LAMC3: variants seen among roughly 807,000 people sequenced by gnomAD.
LAMC3 encodes laminin subunit gamma-3.
A neutral mutation model predicts 173.8 loss-of-function variants in LAMC3; 128 were observed. The ratio of observed to expected loss-of-function variants is 0.74; its 90% CI spans 0.64 to 0.85. The LOEUF (loss-of-function observed/expected upper bound fraction) is 0.85, where lower values mean the gene tolerates loss of function less well. Among genes scored for constraint, LAMC3 ranks in the 40% least tolerant of loss-of-function variants. The pLI is 0.00. For synonymous variants in LAMC3, 897 were observed against 909.1 expected (o/e 0.99, Z 0.24); for missense variants, 2,022 against 2,156.0 (o/e 0.94, Z 1.23).
In LAMC3 at chr9:131,075,836, G is replaced by A; in HGVS notation, c.3500G>A (p.Arg1167Lys). ...TEARALARSH[R>K]DTATKIAATA... is the part of the protein sequence containing the mutation. ...AGGTGGGTGTCCTCACACAGCCACA[G>A]AGACACCGCCACCAAGATCGCAGCC... Residue 1167 changes from arginine to lysine, a missense_variant, in exon 21 of 28, where the codon AGA becomes AAA. Arg to Lys is a conservative substitution (Grantham distance 26, BLOSUM62 2). Transcript: ENST00000361069. 1 of 1,610,922 alleles carries A rather than the reference G, an allele frequency of 6.2e-7. No individual in the cohort carries two copies. Among genetic ancestry groups the A allele is most frequent in the Non-Finnish European group, 8.5e-7 (1 of 1,178,988 alleles).
intron 17 of LAMC3, 107 bp downstream of exon 17, chr9:131,069,957 C>T: frequency 8.5e-7 from 1 of 1,172,044 alleles, no homozygotes; most frequent in Non-Finnish European, 1.2e-6. Context: ...AGTGCTCAGG[C>T]TTTGCAAGCC....
Position 131,054,705 on chromosome 9 carries a change from A to T in LAMC3, c.1939+1740A>T, listed in dbSNP as rs933115977. Among the ~76,000 whole-genome samples, 22 of 152,076 alleles carry T rather than the reference A, an allele frequency of 1.4e-4. 1 individual carries two copies. Among genetic ancestry groups the T allele is most frequent in the African/African-American group, 4.6e-4 (19 of 41,448 alleles). On this transcript the variant is annotated intron_variant, in intron 11 of 27. Coordinates refer to ENST00000361069, the MANE Select transcript of LAMC3 (RefSeq NM_006059.4). Reference sequence around the variant, plus strand: ...GGTTGCAGTTAGCCAAGATCATGCCACTGCACTCCAGCCTGGGTAGCAGAG... The same window carrying T: ...GGTTGCAGTTAGCCAAGATCATGCCTCTGCACTCCAGCCTGGGTAGCAGAG...
intron 2 of LAMC3, among the ~76,000 whole-genome samples, chr9:131,028,045 A>G (rs1296482530): frequency 6.6e-6 from 1 of 152,222 alleles, no homozygotes; most frequent in Admixed American, 6.5e-5. Flanking sequence ...CCTGTTAGGA[A>G]CCAAGTCACA....
rs1248917999 is a variant in LAMC3, at chr9:131,047,238, CT to C, written c.1519+1579del. Among the ~76,000 whole-genome samples, 4 of 104,322 alleles carry C rather than the reference CT, an allele frequency of 3.8e-5. No homozygotes were observed. In the East Asian group the frequency reaches 1.1e-3, roughly 29 times the overall value. The allele number at this position is 104,322 out of a possible 152,430, so 68.4% of individuals were successfully genotyped here. On this transcript the variant is annotated intron_variant, in intron 8 of 27. Transcript: ENST00000361069. Reference sequence around the variant, plus strand: ...GGAGTGCAATGGCGTGATCTCAGCTCTCTGCAACCTCCGCCTCCCAGGTTCA... The same window carrying C: ...GGAGTGCAATGGCGTGATCTCAGCTCCTGCAACCTCCGCCTCCCAGGTTCA...
chr9:131,067,258 C>G, intron 14 of LAMC3, 53 bp downstream of exon 14: 1 of 1,606,758 alleles, frequency 6.2e-7, no homozygotes, highest in East Asian at 2.2e-5. Context: ...CCCTTCTCTT[C>G]TGCCCTGGCT....
At chr9:131,066,012 G>A (rs1216455565) in intron 13 of LAMC3, among the ~76,000 whole-genome samples, 1 of 152,140 alleles carries the variant, frequency 6.6e-6, no homozygotes, top group East Asian at 1.9e-4. Flanking sequence ...GGCCAATGTG[G>A]CGAAACCCCA....
At chr9:131,082,591 C>T (rs993237360) in intron 24 of LAMC3, among the ~76,000 whole-genome samples, 3 of 152,202 alleles carry the variant, frequency 2.0e-5, no homozygotes, top group Non-Finnish European at 4.4e-5. Flanking sequence ...CAGTCTAGTG[C>T]CCCCATTTTG....
intron 13 of LAMC3, among the ~76,000 whole-genome samples, chr9:131,061,539 T>C (rs1256869257): frequency 6.6e-6 from 1 of 152,076 alleles, no homozygotes; most frequent in Non-Finnish European, 1.5e-5. Flanking sequence ...GGTGATTCTG[T>C]TACACAGCTA....
chr9:131,049,192 C>T, intron 9 of LAMC3, 62 bp downstream of exon 9: 2 of 951,982 alleles, frequency 2.1e-6, no homozygotes, highest in Admixed American at 2.0e-5. Flanking sequence ...TGCTAAACAA[C>T]TTGCCGCATA....
chr9:131,018,421 C>A (rs1479157644), intron 1 of LAMC3, among the ~76,000 whole-genome samples: 2 of 151,940 alleles, frequency 1.3e-5, no homozygotes, highest in African/African-American at 4.8e-5. Flanking sequence ...AGGTGTGAGC[C>A]ACTGCGCCCG....
intron 3 of LAMC3, among the ~76,000 whole-genome samples, chr9:131,033,819 C>T (rs528443415): frequency 4.6e-5 from 7 of 152,076 alleles, no homozygotes; most frequent in South Asian, 2.1e-4. Context: ...GAGTGGGGAG[C>T]GGGGATGACA....
Position 131,009,516 on chromosome 9 carries a change from C to A in LAMC3, c.302C>A (p.Thr101Asn). The stretch of plus-strand genomic sequence containing the variant: ...GACTTCCACAGCCAGGACGAGAGCA[C>A]CTGGTGGCAGAGCCCGTCCATGGCC... ...LTDFHSQDES[T>N]WWQSPSMAFG... Residue 101 changes from threonine (T) to asparagine (N), a missense_variant, in exon 1 of 28, where the codon ACC (threonine) becomes AAC (asparagine). Coordinates refer to ENST00000361069, the MANE Select transcript of LAMC3 (RefSeq NM_006059.4). The surrounding 1 kb of genome is among the most constrained non-coding windows in gnomAD (Gnocchi z 4.3). 5 of 1,556,070 alleles carry A rather than the reference C, an allele frequency of 3.2e-6. No homozygotes were observed. Among genetic ancestry groups the A allele is most frequent in the Non-Finnish European group, 4.3e-6 (5 of 1,150,276 alleles).
intron 25 of LAMC3, among the ~76,000 whole-genome samples, chr9:131,086,575 CT>C (rs778812487): frequency 3.8e-4 from 35 of 92,446 alleles, no homozygotes; most frequent in Admixed American, 7.3e-4. Flanking sequence ...GCCTGGCTAA[CT>C]TTTTTTTTTT....
At chr9:131,064,386 G>C (rs537915723) in intron 13 of LAMC3, among the ~76,000 whole-genome samples, 602 of 152,346 alleles carry the variant, frequency 4.0e-3, no homozygotes, top group Non-Finnish European at 6.6e-3. Flanking sequence ...GTACATGGCC[G>C]GGCACAGTGG....
chr9:131,078,033 G>A (rs1460252013), intron 22 of LAMC3, among the ~76,000 whole-genome samples: 1 of 152,086 alleles, frequency 6.6e-6, no homozygotes, highest in African/African-American at 2.4e-5. Context: ...AGGTTATTTC[G>A]AGGCTGCTTC....
At chr9:131,061,308 C>A in intron 13 of LAMC3, 85 bp downstream of exon 13, 1 of 1,247,998 alleles carries the variant, frequency 8.0e-7, no homozygotes, top group South Asian at 1.3e-5. Context: ...AGGGTTAGGG[C>A]CCTGGGTTTA....
At position 131,045,610 on chromosome 9, in the gene LAMC3, C is replaced by T. The variant is rs149042025; in HGVS notation, c.1469C>T (p.Ala490Val). 7.2e-5 allele frequency: 116 copies of T among 1,614,054 alleles called. No individual in the cohort carries two copies. The highest frequency in any genetic ancestry group is 8.4e-5 in the Non-Finnish European group (99 of 1,180,048). The change falls in exon 8 of 28, where the codon GCG (alanine) becomes GTG (valine). Residue 490 changes from alanine (A) to valine (V), a missense_variant. By Grantham distance (64) the Ala-to-Val change is moderately conservative (BLOSUM62 0). Coordinates refer to ENST00000361069, the MANE Select transcript of LAMC3 (RefSeq NM_006059.4). ...CFCYGHSKVC[A>V]STAQFQVHHI... is the part of the protein sequence containing the mutation. The stretch of plus-strand genomic sequence containing the variant: ...TGCTATGGCCACTCCAAGGTGTGCG[C>T]GTCCACTGCCCAGTTCCAGGTGCAT...
chr9:131,035,062 T>C (rs1467698195), intron 3 of LAMC3, among the ~76,000 whole-genome samples: 1 of 152,218 alleles, frequency 6.6e-6, no homozygotes, highest in Non-Finnish European at 1.5e-5. Context: ...GCAATTCTCC[T>C]GCTTCAGCCT....
chr9:131,085,771 G>GA (rs748465565), intron 25 of LAMC3, 48 bp downstream of exon 25: 1 of 1,583,666 alleles, frequency 6.3e-7, no homozygotes, highest in African/African-American at 1.3e-5. Flanking sequence ...CTCCCGGGGG[G>GA]ACCGCCCTTC....
Sources: allele counts gnomAD v4.1 joint callset (sites outside exome capture counted in the v4.1 genomes callset), GRCh38; gene constraint gnomAD v4.1.1; non-coding constraint Gnocchi (gnomAD v3.1); transcripts MANE v1.5; gene names NCBI Gene and HGNC (gene_info 2026-07-23, HGNC 2026-07-21).